The following DPF3 variants were observed in gnomAD, a reference collection of about 807,000 sequenced individuals.
DPF3 encodes the protein zinc finger protein DPF3.
Under a neutral mutation model 56.8 loss-of-function variants are expected in DPF3, and 18 were observed. The ratio of observed to expected loss-of-function variants is 0.32; its 90% confidence interval spans 0.22 to 0.47. The LOEUF (loss-of-function observed/expected upper bound fraction) is 0.47. Ranked by LOEUF, DPF3 falls within the 20% of genes least tolerant of loss-of-function variation. The pLI, the probability that DPF3 is intolerant of heterozygous loss-of-function variation, is 1.00. For synonymous variants in DPF3, 188 were observed against 180.2 expected (o/e 1.04, Z -0.35); for missense variants, 403 against 488.8 (o/e 0.82, Z 1.65).
Position 72,674,353 on chromosome 14 carries a change from T to C in DPF3, c.758A>G (p.Asp253Gly). Residue 253 changes from aspartate (D) to glycine (G), a missense_variant, in exon 8 of 11, where the codon GAT becomes GGT. Coordinates refer to ENST00000556509, the MANE Select transcript of DPF3 (RefSeq NM_001280542.3). ...NENHRPQKGP[D>G]GTVIPNNYCD... ...GTAGTTATTGGGAATGACTGTTCCA[T>C]CCGGTCCTTTCTGGGCTGTGGGAAC... 2 of 1,612,862 alleles carry C rather than the reference T, an allele frequency of 1.2e-6. No individual in the cohort carries two copies. The highest frequency in any genetic ancestry group is 2.2e-5 in the East Asian group (1 of 44,848).
chr14:72,866,505 C>T lies in DPF3; in HGVS notation c.32+27552G>A, dbSNP rs142041551. Among the ~76,000 whole-genome samples the T allele has an allele frequency of 2.7e-3, 400 of 150,812 alleles. 30 individuals are homozygous for T. Among genetic ancestry groups the T allele is most frequent in the Non-Finnish European group, 4.8e-3 (325 of 67,228 alleles). On this transcript the variant is annotated intron_variant, in intron 1 of 10. Transcript: ENST00000556509. ...GGTACCCGCCTCTGCTCCATCGATA[C>T]CAGCCATGGAGTCTTGGGCAAATCT...
At chr14:72,717,663 T>C (rs1404123676) in intron 5 of DPF3, among the ~76,000 whole-genome samples, 1 of 152,234 alleles carries the variant, frequency 6.6e-6, no homozygotes, top group African/African-American at 2.4e-5. Flanking sequence ...AGTAACTCAG[T>C]TAATTCCTAC....
rs146325983 is a variant in DPF3, at chr14:72,801,880, T to C, written c.33-29987A>G. 5.9e-3 allele frequency among the ~76,000 whole-genome samples: 901 copies of C among 152,192 alleles called. 6 individuals are homozygous for C. Among genetic ancestry groups the C allele is most frequent in the African/African-American group, 0.021 (874 of 41,516 alleles). On this transcript the variant is annotated intron_variant, in intron 1 of 10. Transcript: ENST00000556509. ...CAGTAGGAGAAAATAGAGTTTCACA[T>C]AAAACACCCCAAGGACATCAAAGAA...
chr14:72,694,318 GCT>G (rs60925954), intron 6 of DPF3, among the ~76,000 whole-genome samples: 70,510 of 151,892 alleles, frequency 0.46, 17,494 homozygotes, highest in East Asian at 0.95. Flanking sequence ...AAACCAACCT[GCT>G]CTCTGCTGGA....
At chr14:72,882,844 C>A (rs944475153) in intron 1 of DPF3, among the ~76,000 whole-genome samples, 2 of 152,056 alleles carry the variant, frequency 1.3e-5, no homozygotes, top group Admixed American at 6.6e-5. Flanking sequence ...TAGGAAAAGC[C>A]GAGGGCAGCA....
intron 6 of DPF3, among the ~76,000 whole-genome samples, chr14:72,709,537 G>A (rs1888563566): frequency 6.6e-6 from 1 of 152,182 alleles, no homozygotes; most frequent in Non-Finnish European, 1.5e-5. Flanking sequence ...CACCTCATAA[G>A]TAAGTTGTGC....
rs1056912495 is a variant in DPF3, at chr14:72,669,975, G to T, written c.871+4265C>A. The T allele has an allele frequency of 3.0e-6, 3 of 985,982 alleles. No homozygotes were observed. In the South Asian group the frequency reaches 1.4e-4, roughly 46 times the overall value. 61.1% of individuals were successfully genotyped at this position (985,982 alleles called of 1,614,324 possible). A position where few individuals can be genotyped will look rare whatever the true frequency, so the allele number is the denominator to read the frequency against. On this transcript the variant is annotated intron_variant, in intron 8 of 10. Coordinates refer to ENST00000556509, the MANE Select transcript of DPF3 (RefSeq NM_001280542.3). Reference sequence around the variant, plus strand: ...ACCTTTTGACTAGGACCTCGCAGCCGGTCATTCTTGGGACTGTCAGTGAGG... The same window carrying T: ...ACCTTTTGACTAGGACCTCGCAGCCTGTCATTCTTGGGACTGTCAGTGAGG...
At chr14:72,849,690 G>A (rs1275391441) in intron 1 of DPF3, among the ~76,000 whole-genome samples, 1 of 152,186 alleles carries the variant, frequency 6.6e-6, no homozygotes, top group Non-Finnish European at 1.5e-5. Flanking sequence ...CAGCAAAGCA[G>A]TCAGGAGCTA....
chr14:72,755,405 G>C (rs962863655), intron 2 of DPF3, among the ~76,000 whole-genome samples: 3 of 152,116 alleles, frequency 2.0e-5, no homozygotes, highest in African/African-American at 7.2e-5. Flanking sequence ...CAGAAGAAGG[G>C]GCTGTTTTTG....
chr14:72,763,743 C>T (rs1891152325), intron 2 of DPF3, among the ~76,000 whole-genome samples: 1 of 152,032 alleles, frequency 6.6e-6, no homozygotes, highest in South Asian at 2.1e-4. Context: ...CTGGATTTCA[C>T]CAAAATTGAA....
chr14:72,731,707 G>T, intron 4 of DPF3, 100 bp downstream of exon 4: 1 of 1,507,514 alleles, frequency 6.6e-7, no homozygotes, highest in Non-Finnish European at 9.0e-7. Context: ...CTGAGCCCCG[G>T]CCCTTGAGGG....
chr14:72,870,988 A>AATTTCCATATGGCTGAGG (rs1284345488), intron 1 of DPF3, among the ~76,000 whole-genome samples: 18 of 94,688 alleles, frequency 1.9e-4, no homozygotes, highest in Non-Finnish European at 3.6e-4. Flanking sequence ...ATTGGACTTA[A>AATTTCCATATGGCTGAGG]AGTCCTCAGA....
chr14:72,884,923 C>G (rs111445181), intron 1 of DPF3, among the ~76,000 whole-genome samples: 6,474 of 54,870 alleles, frequency 0.12, 724 homozygotes, highest in African/African-American at 0.26. Flanking sequence ...GGTGAAACCC[C>G]GTCTCTACTA....
chr14:72,721,918 G>A (rs1286240578), intron 5 of DPF3, among the ~76,000 whole-genome samples: 1 of 151,994 alleles, frequency 6.6e-6, no homozygotes, highest in Non-Finnish European at 1.5e-5. Flanking sequence ...ACAAATTAAT[G>A]GCATGGAGAA....
chr14:72,741,877 A>AT (rs1463335540), intron 3 of DPF3, among the ~76,000 whole-genome samples: 5 of 152,196 alleles, frequency 3.3e-5, no homozygotes, highest in Non-Finnish European at 7.3e-5. Context: ...CCCACTGCAA[A>AT]ACATGACCGT....
chr14:72,678,938 T>C lies in DPF3; in HGVS notation c.743-4570A>G, dbSNP rs145978973. Among the ~76,000 whole-genome samples the C allele has an allele frequency of 3.3e-3, 505 of 151,920 alleles. 4 individuals are homozygous for C. Among genetic ancestry groups the C allele is most frequent in the African/African-American group, 0.012 (487 of 41,422 alleles). On this transcript the variant is annotated intron_variant, in intron 7 of 10. Coordinates refer to ENST00000556509, the MANE Select transcript of DPF3 (RefSeq NM_001280542.3). ...TCAGGAACAAAGTTCATGAAGAAAG[T>C]AGAAGAAAAATAACAGAAGGCAGGG... is the stretch of plus-strand genomic sequence containing the variant.
chr14:72,681,367 C>G (rs535692785), intron 7 of DPF3, among the ~76,000 whole-genome samples: 26 of 152,114 alleles, frequency 1.7e-4, no homozygotes, highest in African/African-American at 6.0e-4. Flanking sequence ...CTACCTCCCC[C>G]AGGAATCCTC....
intron 1 of DPF3, among the ~76,000 whole-genome samples, chr14:72,839,348 A>G (rs1347657577): frequency 2.0e-5 from 3 of 152,192 alleles, no homozygotes; most frequent in Non-Finnish European, 4.4e-5. Context: ...TATCTTAAAT[A>G]CTGGCTTTGA....
intron 8 of DPF3, among the ~76,000 whole-genome samples, chr14:72,634,318 A>T (rs1885324004): frequency 6.6e-6 from 1 of 152,130 alleles, no homozygotes; most frequent in Non-Finnish European, 1.5e-5. Context: ...TTCTCCAAAA[A>T]CTGCAGAAAT....
Sources: gnomAD v4.1 joint callset for allele counts (sites outside exome capture counted in the v4.1 genomes callset) on GRCh38, gnomAD v4.1.1 for gene constraint, MANE v1.5 for transcripts, NCBI Gene and HGNC (gene_info 2026-07-23, HGNC 2026-07-21) for gene names.